The following KALRN variants were observed in gnomAD, a reference collection of about 807,000 sequenced individuals.
KALRN encodes kalirin.
KALRN carries 70 observed loss-of-function variants against 353.7 expected under a neutral mutation model. The observed-to-expected ratio is 0.20, with a 90% CI of 0.16 to 0.24. The LOEUF is 0.24. KALRN is among the 10% of genes least tolerant of loss of function. The probability of loss-of-function intolerance (pLI) is 1.00; values close to 1 mark genes in which losing one functional copy is unlikely to be tolerated. For synonymous variants in KALRN, 1,391 were observed against 1,434.8 expected (o/e 0.97, Z 0.69); for missense variants, 2,791 against 3,756.7 (o/e 0.74, Z 6.72).
In KALRN at chr3:124,446,270, T is replaced by C. The variant is rs2093835681; in HGVS notation, c.3423T>C (p.Ala1141=). Residue 1141 remains alanine, a synonymous_variant, in exon 20 of 60, where the codon GCT becomes GCC. Coordinates refer to ENST00000682506, the MANE Select transcript of KALRN (RefSeq NM_001388419.1). ...AATATGTGGTGTTCGAGCGCAGCGC[T>C]AAGCAGGTTGTCCAAAGCTTTCCCT... ...CQQYVVFERS[A]KQALDWIQET... is the part of the protein sequence containing the mutation. 6.2e-7 allele frequency: 1 copy of C among 1,611,868 alleles called. No homozygotes were observed. The highest frequency in any genetic ancestry group is 2.2e-5 in the East Asian group (1 of 44,876).
chr3:124,033,624 C>G lies in KALRN; in HGVS notation c.-117C>G, dbSNP rs2039094378. ...ACGCCCGCCCTCGAAGCTCCGCGGC[C>G]GCCAGCTCTGCGGCCGCAGCAGCTG... is the stretch of plus-strand genomic sequence containing the variant. On this transcript the variant is annotated 5_prime_UTR_variant, in exon 1 of 60. Transcript: ENST00000682506. This position sits in a 1 kb window ranked among gnomAD's most constrained non-coding sequence, Gnocchi z 6.2. Among the ~76,000 whole-genome samples, 1 of 151,524 alleles carries G rather than the reference C, an allele frequency of 6.6e-6. No homozygotes were observed. The highest frequency in any genetic ancestry group is 6.6e-5 in the Admixed American group (1 of 15,236).
chr3:124,649,034 G>A lies in KALRN; in HGVS notation c.5665-1774G>A, dbSNP rs115389050. On this transcript the variant is annotated intron_variant, in intron 37 of 59. Transcript: ENST00000682506. ...CAAGTTAAAAGAAATTCTCTCTTGAGTTTGAAGACCCTGTCCTCTTAGTTC... is the reference window on the plus strand; with the variant it reads ...CAAGTTAAAAGAAATTCTCTCTTGAATTTGAAGACCCTGTCCTCTTAGTTC... Among the ~76,000 whole-genome samples, 1,172 of 152,260 alleles carry A rather than the reference G, an allele frequency of 7.7e-3. 14 individuals are homozygous for A. Among genetic ancestry groups the A allele is most frequent in the African/African-American group, 0.025 (1,037 of 41,540 alleles).
chr3:124,482,745 C>T, intron 27 of KALRN, 63 bp from the exon 28 acceptor site: 1 of 1,089,878 alleles, frequency 9.2e-7, no homozygotes, highest in South Asian at 1.2e-5. Flanking sequence ...TTTCTCCTCT[C>T]AGAGTTCACA....
chr3:124,419,423 GAGAGGGTA>G (rs2092677923), intron 14 of KALRN, among the ~76,000 whole-genome samples: 1 of 151,776 alleles, frequency 6.6e-6, no homozygotes, highest in Non-Finnish European at 1.5e-5. Flanking sequence ...TCCAGGCTCA[GAGAGGGTA>G]AGAAGCCCAG....
At chr3:124,604,326 G>GCA (rs1409534927) in intron 34 of KALRN, among the ~76,000 whole-genome samples, 1 of 152,114 alleles carries the variant, frequency 6.6e-6, no homozygotes, top group East Asian at 1.9e-4. Context: ...CTTGGATAGT[G>GCA]TATTCTCCAG....
intron 19 of KALRN, among the ~76,000 whole-genome samples, chr3:124,443,775 AG>A (rs146830787): frequency 7.6e-4 from 115 of 152,304 alleles, no homozygotes; most frequent in Non-Finnish European, 1.3e-3. Context: ...TTTCAGGAAG[AG>A]GGGGGAAAAT....
chr3:124,067,974 T>C (rs1336144590), intron 1 of KALRN, among the ~76,000 whole-genome samples: 5 of 152,228 alleles, frequency 3.3e-5, no homozygotes, highest in Admixed American at 6.5e-5. Context: ...CCCTACGCCA[T>C]AGCTCAGCTG....
intron 5 of KALRN, 91 bp downstream of exon 5, chr3:124,269,346 C>G: frequency 1.4e-6 from 2 of 1,386,434 alleles, no homozygotes; most frequent in Non-Finnish European, 1.9e-6. Flanking sequence ...TAGTACTTTC[C>G]TGGAAAGCTT....
intron 3 of KALRN, among the ~76,000 whole-genome samples, chr3:124,254,589 T>C (rs1560371509): frequency 6.6e-6 from 1 of 152,174 alleles, no homozygotes; most frequent in Non-Finnish European, 1.5e-5. Flanking sequence ...TAGCAGCTAC[T>C]TATGAGTTTC....
In KALRN at chr3:124,456,653, C is replaced by T. The variant is rs867536649; in HGVS notation, c.3779C>T (p.Ser1260Leu). Residue 1260 changes from serine (S) to leucine (L), a missense_variant, in exon 23 of 60, where the codon TCG becomes TTG. By Grantham distance (145) the Ser-to-Leu change is moderately radical. Around this residue, in one of 11 missense-constraint regions of KALRN, gnomAD observed 268 missense variants for 347.0 expected, o/e 0.77. Transcript: ENST00000682506. The part of the protein sequence containing the change: ...LELDIIPASL[S>L]DREVKLRDAN... ...CTGGATATTATCCCAGCAAGCCTTT[C>T]GGATCGGGAGGTCAAGCTGCGGGAC... 6.2e-7 allele frequency: 1 copy of T among 1,613,260 alleles called. No individual in the cohort carries two copies. Among genetic ancestry groups the T allele is most frequent in the Non-Finnish European group, 8.5e-7 (1 of 1,179,476 alleles).
intron 1 of KALRN, among the ~76,000 whole-genome samples, chr3:124,200,635 A>G (rs1258836019): frequency 6.6e-6 from 1 of 152,230 alleles, no homozygotes; most frequent in Non-Finnish European, 1.5e-5. Flanking sequence ...TTCATGCCTT[A>G]GAGAATTGTG....
intron 1 of KALRN, chr3:124,152,581 C>CT (rs1560091110): frequency 2.8e-5 from 16 of 580,476 alleles, no homozygotes; most frequent in African/African-American, 2.6e-4. Context: ...TCTTTTCTTT[C>CT]TTTCTTTCTT....
chr3:124,210,633 G>GA (rs1317938914), intron 1 of KALRN, among the ~76,000 whole-genome samples: 2 of 152,032 alleles, frequency 1.3e-5, no homozygotes, highest in Non-Finnish European at 2.9e-5. Context: ...GGAGAAAGAA[G>GA]AAAAAAACAC....
intron 33 of KALRN, among the ~76,000 whole-genome samples, chr3:124,542,330 G>A (rs556098860): frequency 1.3e-5 from 2 of 152,278 alleles, no homozygotes; most frequent in South Asian, 4.1e-4. Flanking sequence ...GCAACTTTGA[G>A]CCTCAAATTT....
intron 1 of KALRN, among the ~76,000 whole-genome samples, chr3:124,090,879 T>C (rs561010889): frequency 6.6e-6 from 1 of 152,252 alleles, no homozygotes; most frequent in South Asian, 2.1e-4. Flanking sequence ...ACCTCTGAGA[T>C]AGAGAATGTG....
intron 33 of KALRN, among the ~76,000 whole-genome samples, chr3:124,533,413 G>C (rs1339621574): frequency 6.6e-6 from 1 of 152,126 alleles, no homozygotes; most frequent in African/African-American, 2.4e-5. Flanking sequence ...AAGCCGAGTT[G>C]AGCAGATTGC....
At chr3:124,674,838 C>T (rs1032352639) in intron 49 of KALRN, 5 of 431,028 alleles carry the variant, frequency 1.2e-5, no homozygotes, top group African/African-American at 6.1e-5. Context: ...ATTTTTCTTT[C>T]CTTTTGGTTT....
At chr3:124,159,428 G>A (rs538940714) in intron 1 of KALRN, among the ~76,000 whole-genome samples, 1 of 151,950 alleles carries the variant, frequency 6.6e-6, no homozygotes, top group Non-Finnish European at 1.5e-5. Flanking sequence ...GTGCCACCAC[G>A]CCTGACCCAT....
intron 1 of KALRN, among the ~76,000 whole-genome samples, chr3:124,097,131 A>G (rs996384586): frequency 6.6e-6 from 1 of 152,260 alleles, no homozygotes; most frequent in East Asian, 1.9e-4. Flanking sequence ...GTGCATACCC[A>G]CATCCATATT....
Sources: allele counts gnomAD v4.1 joint callset (sites outside exome capture counted in the v4.1 genomes callset), GRCh38; gene constraint gnomAD v4.1.1; regional missense constraint gnomAD v4.1.1; non-coding constraint Gnocchi (gnomAD v3.1); transcripts MANE v1.5; gene names NCBI Gene and HGNC (gene_info 2026-07-23, HGNC 2026-07-21).